Variants in DNAH12 observed in about 807,000 individuals in gnomAD.
DNAH12 encodes axonemal beta dynein heavy chain 12.
A neutral mutation model predicts 371.5 loss-of-function variants in DNAH12; 285 were observed. The ratio of observed to expected loss-of-function variants is 0.77; its 90% CI spans 0.70 to 0.85. DNAH12 has a LOEUF of 0.85. DNAH12 is among the 40% of genes least tolerant of loss of function. The probability of loss-of-function intolerance (pLI) is 0.00; values close to 1 mark genes in which losing one functional copy is unlikely to be tolerated. For missense variants in DNAH12, 3,611 were observed against 3,689.4 expected, an observed-to-expected ratio of 0.98 and a Z score of 0.55; for synonymous variants, 1,200 against 1,213.0, an observed-to-expected ratio of 0.99 and a Z score of 0.22.
chr3:57,505,929 A>G (rs2067742031), intron 8 of DNAH12, among the ~76,000 whole-genome samples: 1 of 151,630 alleles, frequency 6.6e-6, no homozygotes, highest in Non-Finnish European at 1.5e-5. Flanking sequence ...TTTTTTTTCT[A>G]GAGACAGTGT....
At position 57,457,918 on chromosome 3, in the gene DNAH12, AT is replaced by A; in HGVS notation, c.3138del (p.Lys1046AsnfsTer9). On this transcript the variant is annotated frameshift_variant, in exon 22 of 74. Coordinates refer to ENST00000495027, the MANE Select transcript of DNAH12 (RefSeq NM_001366028.2). LOFTEE classifies it high-confidence loss of function. ...TCTAATTTAGCAATGCCCTCAAAGC[AT>A]TTTTTTAAATGTGGCTGAACTCTAA... ...DPLRVQPHLK[K>X]CFEGIAKLEF... 6.4e-7 allele frequency: 1 copy of A among 1,551,656 alleles called. No individual in the cohort carries two copies. Among genetic ancestry groups the A allele is most frequent in the Non-Finnish European group, 8.7e-7 (1 of 1,146,956 alleles).
chr3:57,496,107 C>T (rs1332070093), intron 11 of DNAH12, among the ~76,000 whole-genome samples: 1 of 151,452 alleles, frequency 6.6e-6, no homozygotes, highest in Non-Finnish European at 1.5e-5. Context: ...ATTCAATAGC[C>T]TGTGGCAAAC....
Position 57,404,996 on chromosome 3 carries a change from TTG to T in DNAH12, c.6726_6727del (p.His2242GlnfsTer10). The T allele has an allele frequency of 2.0e-6, 3 of 1,523,106 alleles. No individual in the cohort carries two copies. The highest frequency in any genetic ancestry group is 2.6e-6 in the Non-Finnish European group (3 of 1,138,632). 94.3% of individuals were successfully genotyped at this position (1,523,106 alleles called of 1,614,324 possible). On this transcript the variant is annotated frameshift_variant, in exon 42 of 74. Transcript: ENST00000495027. LOFTEE classifies it high-confidence loss of function. ...AAAAATGACAAGATTCATTCTTGTT[TTG>T]TGTGTTTGATTATACTCATCTAAGC...
intron 60 of DNAH12, among the ~76,000 whole-genome samples, chr3:57,342,760 C>CA (rs1260722671): frequency 1.4e-5 from 2 of 147,308 alleles, no homozygotes; most frequent in African/African-American, 2.5e-5. Context: ...GTCAACAGAA[C>CA]AAAAAAATCT....
At chr3:57,428,320 G>C (rs761397440) in intron 34 of DNAH12, 23 of 1,071,116 alleles carry the variant, frequency 2.1e-5, no homozygotes, top group Non-Finnish European at 2.8e-5. Flanking sequence ...ACTAAATATT[G>C]AATAACTCAT....
intron 4 of DNAH12, among the ~76,000 whole-genome samples, chr3:57,521,434 A>G (rs2068437940): frequency 6.6e-6 from 1 of 152,156 alleles, no homozygotes; most frequent in African/African-American, 2.4e-5. Context: ...AAGCTGAGGC[A>G]GGAGGATCAC....
chr3:57,478,210 A>G (rs1411560664), intron 13 of DNAH12, among the ~76,000 whole-genome samples: 4 of 152,218 alleles, frequency 2.6e-5, no homozygotes, highest in Non-Finnish European at 4.4e-5. Flanking sequence ...TAGAATAACC[A>G]ATGCAGAGAA....
intron 13 of DNAH12, among the ~76,000 whole-genome samples, chr3:57,480,843 G>A (rs1319538613): frequency 6.6e-6 from 1 of 152,178 alleles, no homozygotes; most frequent in Non-Finnish European, 1.5e-5. Context: ...AATAGATGCG[G>A]AAAAGGCCTT....
At position 57,469,318 on chromosome 3, in the gene DNAH12, C is replaced by CA. The variant is rs1486620349; in HGVS notation, c.2106-340dup. Among the ~76,000 whole-genome samples the CA allele has an allele frequency of 2.6e-5, 4 of 151,788 alleles. 1 individual carries two copies. Among genetic ancestry groups the CA allele is most frequent in the South Asian group, 4.2e-4 (2 of 4,812 alleles). On this transcript the variant is annotated intron_variant, in intron 16 of 73. Transcript: ENST00000495027. The stretch of plus-strand genomic sequence containing the variant: ...GAATGGCTATTATTAAAAAGTAAAA[C>CA]AAAAAAACAAAAAACAGATGCTGTG...
In DNAH12 at chr3:57,413,851, T is replaced by G; in HGVS notation, c.5915A>C (p.Lys1972Thr). The G allele has an allele frequency of 6.4e-7, 1 of 1,551,280 alleles. No homozygotes were observed. Among genetic ancestry groups the G allele is most frequent in the Admixed American group, 2.0e-5 (1 of 50,986 alleles). The change falls in exon 39 of 74, where the codon AAG (lysine) becomes ACG (threonine). Residue 1972 changes from lysine (K) to threonine (T), a missense_variant. This residue lies in a region of DNAH12 where 2,266 missense variants were observed against 2,236.9 expected (regional missense o/e 1.01). Coordinates refer to ENST00000495027, the MANE Select transcript of DNAH12 (RefSeq NM_001366028.2). ...ATCATCTATAAAAATTATACACTTCTTTCCCATAGGTGGTCCAAAGACTCC... is the reference window on the plus strand; with the variant it reads ...ATCATCTATAAAAATTATACACTTCGTTCCCATAGGTGGTCCAAAGACTCC... ...RKGVFGPPMG[K>T]KCIIFIDDMN...
chr3:57,434,293 A>T (rs911208693), intron 30 of DNAH12, among the ~76,000 whole-genome samples: 1 of 152,128 alleles, frequency 6.6e-6, no homozygotes, highest in Admixed American at 6.5e-5. Context: ...AATGGAAATG[A>T]TGGGCATTAC....
At chr3:57,449,493 G>C (rs370048249) in intron 25 of DNAH12, among the ~76,000 whole-genome samples, 1 of 152,218 alleles carries the variant, frequency 6.6e-6, no homozygotes, top group Non-Finnish European at 1.5e-5. Flanking sequence ...CATGCCCGGC[G>C]GGAAGGCAGC....
At chr3:57,508,239 G>T (rs1575705020) in intron 7 of DNAH12, 143 bp downstream of exon 7, 46 of 744,152 alleles carry the variant, frequency 6.2e-5, no homozygotes, top group Non-Finnish European at 8.3e-5. Context: ...CACAATTGTT[G>T]AAACAAACAA....
chr3:57,323,751 A>G (rs2061864417), intron 62 of DNAH12, 132 bp from the exon 63 acceptor site: 2 of 919,298 alleles, frequency 2.2e-6, no homozygotes, highest in Non-Finnish European at 3.0e-6. Context: ...TCATAGACAA[A>G]GCACTAATTT....
intron 20 of DNAH12, among the ~76,000 whole-genome samples, 158 bp downstream of exon 20, chr3:57,459,434 A>C (rs564963959): frequency 1.3e-5 from 2 of 152,334 alleles, no homozygotes; most frequent in South Asian, 2.1e-4. Flanking sequence ...AAGTAAACTT[A>C]TTTTAATACT....
intron 4 of DNAH12, among the ~76,000 whole-genome samples, chr3:57,516,264 A>G (rs1012198400): frequency 2.0e-5 from 3 of 151,188 alleles, no homozygotes; most frequent in Middle Eastern, 3.4e-3. Context: ...GGGTTTCACC[A>G]TGTTGGTCAG....
rs371692701 is a variant in DNAH12 at position 57,429,733 on chromosome 3, T to A, written c.5022A>T (p.Gln1674His). 2.6e-6 allele frequency: 4 copies of A among 1,533,826 alleles called. No homozygotes were observed. The highest frequency in any genetic ancestry group is 3.5e-6 in the Non-Finnish European group (4 of 1,140,920). ...CCATTGTTTCAAAGATGAGGCTCAT[T>A]TGGGGGGACATCTGAATGATTTCTC... ...MSGEIIQMSPQMSLIFETMDL... is the reference protein window; with the variant it reads ...MSGEIIQMSPHMSLIFETMDL... The change falls in exon 33 of 74, where the codon CAA becomes CAT. Residue 1674 changes from glutamine to histidine, a missense_variant. By Grantham distance (24) the Gln-to-His change is conservative (BLOSUM62 0). This residue lies in a region of DNAH12 where 2,266 missense variants were observed against 2,236.9 expected (regional missense o/e 1.01). Transcript: ENST00000495027.
the DNAH12 span, among the ~76,000 whole-genome samples, chr3:57,550,530 T>G: frequency 6.6e-6 from 1 of 152,252 alleles, no homozygotes; most frequent in East Asian, 1.9e-4. Flanking sequence ...TTTTATTTTT[T>G]GAGACAGAGT....
intron 38 of DNAH12, among the ~76,000 whole-genome samples, chr3:57,415,147 G>A (rs928728490): frequency 6.7e-6 from 1 of 148,638 alleles, no homozygotes; most frequent in African/African-American, 2.4e-5. Context: ...GTGTGTGAGT[G>A]TGTGTGTGTC....
Sources: allele counts gnomAD v4.1 joint callset (sites outside exome capture counted in the v4.1 genomes callset), GRCh38; gene constraint gnomAD v4.1.1; regional missense constraint gnomAD v4.1.1; transcripts MANE v1.5; gene names NCBI Gene and HGNC (gene_info 2026-07-23, HGNC 2026-07-21).